Variants in EPHB1 observed in about 807,000 individuals in gnomAD.
The protein encoded by EPHB1 is EPH receptor B1.
A neutral mutation model predicts 94.4 loss-of-function variants in EPHB1; 30 were observed. That is an observed-to-expected ratio of 0.32 (90% CI 0.24 to 0.43). EPHB1 has a LOEUF of 0.43. Among genes scored for constraint, EPHB1 ranks in the 20% least tolerant of loss-of-function variants. EPHB1 has a pLI of 1.00. For synonymous variants in EPHB1, 522 were observed against 489.1 expected, an observed-to-expected ratio of 1.07 and a Z score of -0.89; for missense variants, 1,055 against 1,308.3, an observed-to-expected ratio of 0.81 and a Z score of 2.99.
At chr3:134,895,338 T>C (rs1304601289) in intron 1 of EPHB1, among the ~76,000 whole-genome samples, 1 of 152,148 alleles carries the variant, frequency 6.6e-6, no homozygotes, top group African/African-American at 2.4e-5. Flanking sequence ...TTTTTCCCAG[T>C]CACAGAGAGT....
chr3:134,938,967 T>G (rs58195225), intron 2 of EPHB1, among the ~76,000 whole-genome samples: 12,337 of 152,126 alleles, frequency 0.081, 546 homozygotes, highest in African/African-American at 0.11. Flanking sequence ...GTTAGAGCAG[T>G]GCTGTTCTTA....
At chr3:135,042,501 G>A (rs1317912264) in intron 3 of EPHB1, among the ~76,000 whole-genome samples, 2 of 152,162 alleles carry the variant, frequency 1.3e-5, no homozygotes, top group African/African-American at 4.8e-5. Flanking sequence ...AAAATTCACT[G>A]TTTTGTGTGA....
At chr3:135,140,914 A>G (rs1188910552) in intron 5 of EPHB1, among the ~76,000 whole-genome samples, 1 of 152,244 alleles carries the variant, frequency 6.6e-6, no homozygotes, top group East Asian at 1.9e-4. Context: ...TTAATTTCAG[A>G]AAATTAACAT....
intron 12 of EPHB1, among the ~76,000 whole-genome samples, chr3:135,217,467 C>T (rs1350256616): frequency 4.5e-5 from 5 of 110,144 alleles, no homozygotes; most frequent in Admixed American, 8.2e-5. Flanking sequence ...CACACACACA[C>T]GCACACGGGG....
At chr3:135,220,165 T>C (rs1219721152) in intron 12 of EPHB1, among the ~76,000 whole-genome samples, 1 of 152,020 alleles carries the variant, frequency 6.6e-6, no homozygotes, top group Admixed American at 6.5e-5. Flanking sequence ...TACAGATGTC[T>C]AGGGAAAAGA....
rs1483795809 is a variant in EPHB1, at chr3:134,951,663, C to T, written c.416C>T (p.Thr139Ile). ...GAGGCCCCCTACCTCAAAGTAGACACCATTGCTGCAGATGAGAGCTTCTCC... is the reference window on the plus strand; with the variant it reads ...GAGGCCCCCTACCTCAAAGTAGACATCATTGCTGCAGATGAGAGCTTCTCC... ...WSEAPYLKVD[T>I]IAADESFSQV... Residue 139 changes from threonine (T) to isoleucine (I), a missense_variant, in exon 3 of 16, where the codon ACC becomes ATC. Thr to Ile is a moderately conservative substitution (Grantham distance 89, BLOSUM62 -1). Coordinates refer to ENST00000398015, the MANE Select transcript of EPHB1 (RefSeq NM_004441.5). This position sits in a 1 kb window ranked among gnomAD's most constrained non-coding sequence, Gnocchi z 4.5. The T allele has an allele frequency of 6.2e-7, 1 of 1,613,932 alleles. No homozygotes were observed. Among genetic ancestry groups the T allele is most frequent in the Non-Finnish European group, 8.5e-7 (1 of 1,179,974 alleles).
intron 8 of EPHB1, 108 bp from the exon 9 acceptor site, chr3:135,166,834 G>C: frequency 8.7e-7 from 1 of 1,149,464 alleles, no homozygotes. Flanking sequence ...CTAATCCTGG[G>C]AGATGCCCCG....
At chr3:134,902,898 A>G (rs1384560054) in intron 1 of EPHB1, among the ~76,000 whole-genome samples, 3 of 152,220 alleles carry the variant, frequency 2.0e-5, no homozygotes, top group Non-Finnish European at 4.4e-5. Context: ...TTCCATCTCT[A>G]TAACGGTTAG....
intron 3 of EPHB1, among the ~76,000 whole-genome samples, chr3:135,015,907 G>A (rs1039679655): frequency 6.6e-6 from 1 of 152,202 alleles, no homozygotes; most frequent in Admixed American, 6.5e-5. Flanking sequence ...CAGGACAAAG[G>A]CCCTGAGGTG....
intron 1 of EPHB1, among the ~76,000 whole-genome samples, chr3:134,816,348 C>T (rs34642200): frequency 0.083 from 12,679 of 152,024 alleles, 1,116 homozygotes; most frequent in African/African-American, 0.22. Flanking sequence ...CCCACCTCGC[C>T]TCCCAAAGTG....
intron 2 of EPHB1, among the ~76,000 whole-genome samples, chr3:134,948,757 G>A (rs757488908): frequency 1.6e-4 from 24 of 152,268 alleles, no homozygotes; most frequent in Non-Finnish European, 2.2e-4. Flanking sequence ...CCACTCCAGC[G>A]ATGTGCTGCA....
At position 134,881,013 on chromosome 3, in the gene EPHB1, TG is replaced by T. The variant is rs377341015; in HGVS notation, c.59-44801del. Among the ~76,000 whole-genome samples the T allele has an allele frequency of 5.7e-3, 873 of 152,306 alleles. 6 individuals are homozygous for T. Among genetic ancestry groups the T allele is most frequent in the South Asian group, 0.028 (136 of 4,816 alleles). ...AGCGGCACCATTTCCACACTCACCT[TG>T]GCAGATCAAGGATAGTAGAGGGGAC... On this transcript the variant is annotated intron_variant, in intron 1 of 15. Coordinates refer to ENST00000398015, the MANE Select transcript of EPHB1 (RefSeq NM_004441.5).
chr3:135,091,689 C>T (rs969983437), intron 3 of EPHB1, among the ~76,000 whole-genome samples: 11 of 152,190 alleles, frequency 7.2e-5, no homozygotes, highest in African/African-American at 2.2e-4. Context: ...GTATTTGCCT[C>T]GTCAGAGTTT....
chr3:134,974,727 T>C (rs750743237), intron 3 of EPHB1, among the ~76,000 whole-genome samples: 6 of 152,210 alleles, frequency 3.9e-5, no homozygotes, highest in Non-Finnish European at 8.8e-5. Flanking sequence ...CCTCAGCATA[T>C]TGCCTGTTTC....
chr3:135,002,215 G>T (rs253880), intron 3 of EPHB1, among the ~76,000 whole-genome samples: 31,032 of 151,876 alleles, frequency 0.2, 5,541 homozygotes, highest in African/African-American at 0.49. Context: ...AATCTCCATG[G>T]GTCCAGAGAG....
chr3:135,129,467 C>G (rs1940341023), intron 4 of EPHB1, among the ~76,000 whole-genome samples: 1 of 152,220 alleles, frequency 6.6e-6, no homozygotes, highest in Non-Finnish European at 1.5e-5. Flanking sequence ...CTCCATCCAC[C>G]TACAGCAAGG....
At chr3:135,125,692 G>T (rs1453211658) in intron 4 of EPHB1, among the ~76,000 whole-genome samples, 1 of 530 alleles carries the variant, frequency 1.9e-3, no homozygotes, top group Non-Finnish European at 8.1e-3. Flanking sequence ...ATGTTTATTT[G>T]ATAATGGTCT....
intron 3 of EPHB1, among the ~76,000 whole-genome samples, chr3:135,005,984 C>A (rs1412990722): frequency 6.6e-6 from 1 of 152,186 alleles, no homozygotes; most frequent in Non-Finnish European, 1.5e-5. Context: ...GGCTCCTCCC[C>A]ACATCTGATG....
At chr3:134,823,762 A>G (rs1358079921) in intron 1 of EPHB1, 1 of 152,260 alleles carries the variant, frequency 6.6e-6, no homozygotes, top group Non-Finnish European at 1.5e-5. Flanking sequence ...TTCACTCAGG[A>G]AATTGTCAAT....
Sources: gnomAD v4.1 joint callset for allele counts (sites outside exome capture counted in the v4.1 genomes callset) on GRCh38, gnomAD v4.1.1 for gene constraint, Gnocchi (gnomAD v3.1) non-coding constraint, MANE v1.5 for transcripts, NCBI Gene and HGNC (gene_info 2026-07-23, HGNC 2026-07-21) for gene names.